Variants in SVIL observed in about 807,000 individuals in gnomAD.
SVIL encodes the protein supervillin.
SVIL carries 101 observed loss-of-function variants against 240.4 expected under a neutral mutation model. The observed-to-expected ratio is 0.42, with a 90% CI of 0.36 to 0.50. SVIL has a LOEUF of 0.50. Among genes scored for constraint, SVIL ranks in the 20% least tolerant of loss-of-function variants. The probability of loss-of-function intolerance (pLI) is 0.01; values close to 1 mark genes in which losing one functional copy is unlikely to be tolerated. For synonymous variants in SVIL, 999 were observed against 1,100.0 expected, an observed-to-expected ratio of 0.91 and a Z score of 1.82; for missense variants, 2,512 against 2,818.7, an observed-to-expected ratio of 0.89 and a Z score of 2.46.
chr10:29,574,228 C>T (rs1310347462), intron 1 of SVIL, among the ~76,000 whole-genome samples: 1 of 152,114 alleles, frequency 6.6e-6, no homozygotes, highest in African/African-American at 2.4e-5. Flanking sequence ...AAAGCAAATA[C>T]TGAAGTTGCC....
At chr10:29,574,400 C>T (rs1955593530) in intron 1 of SVIL, among the ~76,000 whole-genome samples, 1 of 152,026 alleles carries the variant, frequency 6.6e-6, no homozygotes, top group South Asian at 2.1e-4. Flanking sequence ...TGGTACATGC[C>T]ATGTCATGTC....
chr10:29,604,559 T>C (rs115225020), intron 1 of SVIL, among the ~76,000 whole-genome samples: 3 of 150,436 alleles, frequency 2.0e-5, no homozygotes, highest in Non-Finnish European at 4.4e-5. Context: ...TATTTATTTA[T>C]TTACTTACTT....
At chr10:29,717,939 G>C (rs1006245995) in intron 1 of SVIL, among the ~76,000 whole-genome samples, 1 of 151,984 alleles carries the variant, frequency 6.6e-6, no homozygotes, top group Admixed American at 6.6e-5. Context: ...TAAAATTTAA[G>C]AAAAAATGTC....
intron 1 of SVIL, among the ~76,000 whole-genome samples, chr10:29,705,131 T>G (rs1449530674): frequency 2.0e-5 from 3 of 152,302 alleles, no homozygotes; most frequent in Non-Finnish European, 4.4e-5. Flanking sequence ...CCCTGGATAT[T>G]GGAAATTAAA....
chr10:29,727,749 A>C (rs956560923), intron 1 of SVIL, among the ~76,000 whole-genome samples: 24 of 152,052 alleles, frequency 1.6e-4, no homozygotes, highest in African/African-American at 5.1e-4. Context: ...ACAAAAAAAA[A>C]AAAAAAAGAA....
At chr10:29,501,930 A>G (rs1948929194) in intron 17 of SVIL, among the ~76,000 whole-genome samples, 1 of 152,184 alleles carries the variant, frequency 6.6e-6, no homozygotes, top group Admixed American at 6.5e-5. Flanking sequence ...CAGGCATCTC[A>G]ACAGTCCAGG....
intron 11 of SVIL, 139 bp from the exon 12 acceptor site, chr10:29,529,983 C>A: frequency 1.2e-6 from 1 of 835,146 alleles, no homozygotes; most frequent in Non-Finnish European, 1.7e-6. Context: ...CCAGCCTGGG[C>A]AACAAAGTGA....
chr10:29,504,477 T>G (rs1320229611), intron 17 of SVIL, among the ~76,000 whole-genome samples: 1 of 152,134 alleles, frequency 6.6e-6, no homozygotes, highest in Non-Finnish European at 1.5e-5. Context: ...TACAAAGAAC[T>G]GTTAAAACTC....
intron 2 of SVIL, among the ~76,000 whole-genome samples, chr10:29,567,616 T>C (rs1955077923): frequency 1.3e-5 from 2 of 152,264 alleles, no homozygotes; most frequent in East Asian, 3.8e-4. Flanking sequence ...GACTTTCATA[T>C]TGCATGCTTT....
intron 23 of SVIL, among the ~76,000 whole-genome samples, chr10:29,488,285 G>A (rs1410116942): frequency 4.6e-5 from 7 of 152,108 alleles, no homozygotes; most frequent in South Asian, 2.1e-4. Context: ...CGTGGGGCAC[G>A]GGGCGCCAGG....
At chr10:29,518,331 T>C (rs1356918357) in intron 16 of SVIL, among the ~76,000 whole-genome samples, 1 of 152,164 alleles carries the variant, frequency 6.6e-6, no homozygotes, top group Non-Finnish European at 1.5e-5. Flanking sequence ...GAGGCTTCAG[T>C]GAGCCAAGAT....
chr10:29,694,899 CTG>C (rs1385313060), intron 1 of SVIL, among the ~76,000 whole-genome samples: 2 of 152,214 alleles, frequency 1.3e-5, no homozygotes, highest in South Asian at 2.1e-4. Flanking sequence ...TATAAGGAAA[CTG>C]TGAATTCCTA....
At chr10:29,616,330 C>T (rs917132350) in intron 1 of SVIL, among the ~76,000 whole-genome samples, 1 of 152,176 alleles carries the variant, frequency 6.6e-6, no homozygotes, top group Non-Finnish European at 1.5e-5. Context: ...AGCCATCGCA[C>T]CCAGCCTGTA....
At chr10:29,619,703 A>T (rs1002523394) in intron 1 of SVIL, among the ~76,000 whole-genome samples, 5 of 152,236 alleles carry the variant, frequency 3.3e-5, no homozygotes, top group Non-Finnish European at 7.3e-5. Flanking sequence ...CACATTTCTA[A>T]TTTTAAATTT....
At chr10:29,646,183 T>C (rs1442815160) in intron 3 of SVIL, among the ~76,000 whole-genome samples, 2 of 152,192 alleles carry the variant, frequency 1.3e-5, no homozygotes, top group Non-Finnish European at 2.9e-5. Context: ...TGAGTTCTTT[T>C]CCAAAGGCAA....
chr10:29,664,652 G>C (rs1959195945), intron 2 of SVIL, among the ~76,000 whole-genome samples: 1 of 151,534 alleles, frequency 6.6e-6, no homozygotes, highest in East Asian at 1.9e-4. Context: ...CATTAGAGAA[G>C]AGTCAATTTT....
chr10:29,669,350 G>A (rs965135625), intron 2 of SVIL, among the ~76,000 whole-genome samples: 10 of 152,214 alleles, frequency 6.6e-5, no homozygotes, highest in Non-Finnish European at 1.3e-4. Context: ...CTGGCGTGCA[G>A]TGAGTGAAAG....
At chr10:29,589,584 G>A (rs1487123843) in intron 1 of SVIL, among the ~76,000 whole-genome samples, 1 of 152,140 alleles carries the variant, frequency 6.6e-6, no homozygotes, top group Non-Finnish European at 1.5e-5. Flanking sequence ...CCGGCTTTGG[G>A]GGCTGTTTGA....
At chr10:29,712,313 C>T (rs1589561541) in intron 1 of SVIL, among the ~76,000 whole-genome samples, 1 of 152,188 alleles carries the variant, frequency 6.6e-6, no homozygotes, top group African/African-American at 2.4e-5. Context: ...TAGATTAATG[C>T]TCTTTCTGGG....
Sources: gnomAD v4.1 joint callset for allele counts (sites outside exome capture counted in the v4.1 genomes callset) on GRCh38, gnomAD v4.1.1 for gene constraint, MANE v1.5 for transcripts, NCBI Gene and HGNC (gene_info 2026-07-23, HGNC 2026-07-21) for gene names.